Variants in RNF213 observed in about 807,000 individuals in gnomAD.
RNF213 encodes the protein ring finger protein 213.
RNF213 carries 341 observed loss-of-function variants against 514.4 expected under a neutral mutation model. That is an observed-to-expected ratio of 0.66 (90% CI 0.61 to 0.73). RNF213 has a LOEUF of 0.73. Among genes scored for constraint, RNF213 ranks in the 30% least tolerant of loss-of-function variants. RNF213 has a pLI of 0.00. For missense variants in RNF213, 5,767 were observed against 6,615.6 expected (o/e 0.87, Z 4.45); for synonymous variants, 2,655 against 2,658.2 (o/e 1.00, Z 0.04).
Position 80,353,947 on chromosome 17 carries a change from C to T in RNF213, c.10579-72C>T. ...GTTTGCTGCATTGAGACCCTCATCGCATACGGGCGGTTTGGCTTTTGCCCA... is the reference window on the plus strand; with the variant it reads ...GTTTGCTGCATTGAGACCCTCATCGTATACGGGCGGTTTGGCTTTTGCCCA... On this transcript the variant is annotated intron_variant, in intron 34 of 67. Coordinates refer to ENST00000582970, the MANE Select transcript of RNF213 (RefSeq NM_001256071.3). This position sits in a 1 kb window ranked among gnomAD's most constrained non-coding sequence, Gnocchi z 5.0. 6.3e-7 allele frequency: 1 copy of T among 1,589,378 alleles called. No individual in the cohort carries two copies. Among genetic ancestry groups the T allele is most frequent in the East Asian group, 2.2e-5 (1 of 44,648 alleles).
At position 80,291,724 on chromosome 17, in the gene RNF213, T is replaced by C. The variant is rs758114180; in HGVS notation, c.1368T>C (p.Asn456=). The change falls in exon 8 of 68, where the codon AAT becomes AAC. Residue 456 remains asparagine, a synonymous_variant. Coordinates refer to ENST00000582970, the MANE Select transcript of RNF213 (RefSeq NM_001256071.3). ...TTCCTTACAAGTACGTCATTTATAA[T>C]GGGGAATCTTTTGAGTATGAGTTCA... The part of the protein sequence containing the change: ...KYIPYKYVIY[N]GESFEYEFIY... 1.9e-6 allele frequency: 3 copies of C among 1,614,196 alleles called. No homozygotes were observed. The highest frequency in any genetic ancestry group is 2.5e-6 in the Non-Finnish European group (3 of 1,180,040).
At chr17:80,381,754 G>T in intron 57 of RNF213, 27 bp downstream of exon 57, 1 of 1,602,230 alleles carries the variant, frequency 6.2e-7, no homozygotes, top group Non-Finnish European at 8.5e-7. Context: ...GGGCTGGGCG[G>T]GGATCACACA....
In RNF213 at chr17:80,343,693, A is replaced by T. The variant is rs1273055263; in HGVS notation, c.6184-164A>T. ...TGGTACAGGGAAATATAGTATTAGG[A>T]TTTTATGGGGCTGCCCTTGGAGACA... On this transcript the variant is annotated intron_variant, in intron 27 of 67. Coordinates refer to ENST00000582970, the MANE Select transcript of RNF213 (RefSeq NM_001256071.3). This position sits in a 1 kb window ranked among gnomAD's most constrained non-coding sequence, Gnocchi z 4.3. Among the ~76,000 whole-genome samples the T allele has an allele frequency of 6.6e-6, 1 of 152,170 alleles. No individual in the cohort carries two copies. Among genetic ancestry groups the T allele is most frequent in the African/African-American group, 2.4e-5 (1 of 41,426 alleles).
Position 80,381,697 on chromosome 17 carries a change from C to T in RNF213, c.13948C>T (p.Leu4650Phe), listed in dbSNP as rs2080011827. Residue 4650 changes from leucine (L) to phenylalanine (F), a missense_variant, in exon 57 of 68, where the codon CTC becomes TTC. By Grantham distance (22) the Leu-to-Phe change is conservative. Around this residue, in one of 13 missense-constraint regions of RNF213, gnomAD observed 1,245 missense variants for 1,339.0 expected, o/e 0.93. Coordinates refer to ENST00000582970, the MANE Select transcript of RNF213 (RefSeq NM_001256071.3). Reference protein sequence around the residue: ...GVVHLVLRRLLQEQHQLSSRR... With the variant: ...GVVHLVLRRLFQEQHQLSSRR... ...GGTCCACCTCGTCCTGCGCAGGCTTCTCCAAGAGCAGCACCAGCTCTCTAG... is the reference window on the plus strand; with the variant it reads ...GGTCCACCTCGTCCTGCGCAGGCTTTTCCAAGAGCAGCACCAGCTCTCTAG... 1.2e-6 allele frequency: 2 copies of T among 1,614,060 alleles called. No individual in the cohort carries two copies. The highest frequency in any genetic ancestry group is 1.7e-6 in the Non-Finnish European group (2 of 1,180,010).
intron 3 of RNF213, among the ~76,000 whole-genome samples, chr17:80,283,723 G>A (rs1215137824): frequency 6.6e-6 from 1 of 152,210 alleles, no homozygotes; most frequent in Non-Finnish European, 1.5e-5. Context: ...GTGGGAGGTG[G>A]GGGGTGGTCA....
intron 18 of RNF213, among the ~76,000 whole-genome samples, chr17:80,326,087 T>G (rs888155666): frequency 4.6e-5 from 7 of 152,108 alleles, no homozygotes; most frequent in African/African-American, 1.4e-4. Flanking sequence ...GCCTCCCAAG[T>G]AGCTGGGATT....
chr17:80,374,109 T>C (rs1388098937), intron 49 of RNF213, among the ~76,000 whole-genome samples: 1 of 151,916 alleles, frequency 6.6e-6, no homozygotes, highest in African/African-American at 2.4e-5. Flanking sequence ...AAAATGGTAC[T>C]AAGAACCCCG....
intron 31 of RNF213, 139 bp downstream of exon 31, chr17:80,350,535 C>G (rs577326759): frequency 2.8e-4 from 185 of 671,452 alleles, no homozygotes; most frequent in Non-Finnish European, 4.4e-4. Flanking sequence ...CCGCCTCATT[C>G]CCCCAAGTGG....
intron 26 of RNF213, 180 bp downstream of exon 26, chr17:80,340,536 C>T: frequency 1.6e-6 from 1 of 615,550 alleles, no homozygotes; most frequent in Non-Finnish European, 2.9e-6. Context: ...CACCTGGTCT[C>T]CCACAATGGG....
intron 59 of RNF213, 90 bp from the exon 60 acceptor site, chr17:80,384,949 C>G (rs1174815746): frequency 4.5e-6 from 6 of 1,346,462 alleles, no homozygotes; most frequent in Non-Finnish European, 6.4e-6. Context: ...GCTACAAATA[C>G]AAGTCTCGCA....
chr17:80,284,710 C>A (rs1255051506), intron 3 of RNF213, among the ~76,000 whole-genome samples: 1 of 152,116 alleles, frequency 6.6e-6, no homozygotes. Flanking sequence ...GCCTTCCGGA[C>A]GGCTCCCCCA....
chr17:80,303,564 T>C (rs2045254417), intron 11 of RNF213, among the ~76,000 whole-genome samples: 1 of 142,272 alleles, frequency 7.0e-6, no homozygotes, highest in Non-Finnish European at 1.5e-5. Context: ...TTTCTTTTCT[T>C]TTCTTTTTTT....
At position 80,332,527 on chromosome 17, in the gene RNF213, C is replaced by A; in HGVS notation, c.4039C>A (p.His1347Asn). 1 of 1,537,046 alleles carries A rather than the reference C, an allele frequency of 6.5e-7. No individual in the cohort carries two copies. The highest frequency in any genetic ancestry group is 1.2e-5 in the South Asian group (1 of 84,044). ...KDRVEQIKEYHHLHQAVHAAK... is the reference protein window; with the variant it reads ...KDRVEQIKEYNHLHQAVHAAK... Reference sequence around the variant, plus strand: ...CCGAGTCGAACAGATCAAGGAATACCATCACCTGCACCAGGCTGTCCACGC... The same window carrying A: ...CCGAGTCGAACAGATCAAGGAATACAATCACCTGCACCAGGCTGTCCACGC... Residue 1347 changes from histidine to asparagine, a missense_variant, in exon 21 of 68, where the codon CAT (histidine) becomes AAT (asparagine). Around this residue, in one of 13 missense-constraint regions of RNF213, gnomAD observed 516 missense variants for 566.5 expected, o/e 0.91. Transcript: ENST00000582970.
Position 80,393,377 on chromosome 17 carries a change from C to G in RNF213, c.15503C>G (p.Thr5168Ser). The change falls in exon 68 of 68, where the codon ACT becomes AGT. Residue 5168 changes from threonine (T) to serine (S), a missense_variant. Coordinates refer to ENST00000582970, the MANE Select transcript of RNF213 (RefSeq NM_001256071.3). ...GACACTCTCGTAAGTTACATGCAAACTAAAGAAAGTGAAATTCTTCCTGAA... is the reference window on the plus strand; with the variant it reads ...GACACTCTCGTAAGTTACATGCAAAGTAAAGAAAGTGAAATTCTTCCTGAA... ...LRDTLVSYMQ[T>S]KESEILPEMA... The G allele has an allele frequency of 1.2e-6, 2 of 1,614,158 alleles. No homozygotes were observed. The highest frequency in any genetic ancestry group is 8.5e-7 in the Non-Finnish European group (1 of 1,180,024).
At chr17:80,369,451 G>A (rs2079424017) in intron 44 of RNF213, 51 bp from the exon 45 acceptor site, 3 of 1,505,496 alleles carry the variant, frequency 2.0e-6, no homozygotes, top group South Asian at 1.1e-5. Context: ...ATTCTGTAAG[G>A]AGGCATTTGG....
At chr17:80,277,617 A>G (rs1229979563) in intron 3 of RNF213, among the ~76,000 whole-genome samples, 1 of 140,448 alleles carries the variant, frequency 7.1e-6, no homozygotes, top group East Asian at 2.2e-4. Context: ...AAAAAAAAAA[A>G]GCCTAAATAT....
At chr17:80,370,006 G>T (rs1026986552) in intron 46 of RNF213, 139 bp downstream of exon 46, 2 of 722,834 alleles carry the variant, frequency 2.8e-6, no homozygotes, top group Non-Finnish European at 5.0e-6. Flanking sequence ...ACACAGCCTG[G>T]TTACTTGTAC....
In RNF213 at chr17:80,325,215, G is replaced by T. The variant is rs1422545885; in HGVS notation, c.3193+17G>T. On this transcript the variant is annotated intron_variant, in intron 18 of 67. Transcript: ENST00000582970. ...GATTGTGTGGTATGTTTGCGGGAGT[G>T]CTGGGAACATCAGCTCAGGCAAGGT... The T allele has an allele frequency of 6.6e-7, 1 of 1,520,866 alleles. No homozygotes were observed. The highest frequency in any genetic ancestry group is 8.8e-7 in the Non-Finnish European group (1 of 1,135,356). The allele number at this position is 1,520,866 out of a possible 1,614,324, so 94.2% of individuals were successfully genotyped here.
intron 29 of RNF213, 109 bp from the exon 30 acceptor site, chr17:80,349,661 C>A: frequency 1.6e-6 from 2 of 1,225,136 alleles, no homozygotes; most frequent in East Asian, 4.7e-5. Flanking sequence ...TGTGTGGCAA[C>A]TGCACCGCGC....
Sources: gnomAD v4.1 joint callset for allele counts (sites outside exome capture counted in the v4.1 genomes callset) on GRCh38, gnomAD v4.1.1 for gene constraint, gnomAD v4.1.1 regional missense constraint, Gnocchi (gnomAD v3.1) non-coding constraint, MANE v1.5 for transcripts, NCBI Gene and HGNC (gene_info 2026-07-23, HGNC 2026-07-21) for gene names.